The following STS variants were observed in gnomAD, a reference collection of about 807,000 sequenced individuals.
STS encodes steryl-sulfatase.
In STS, 7 loss-of-function variants were observed where a neutral mutation model predicts 26.8. The observed-to-expected ratio is 0.26, with a 90% CI of 0.15 to 0.49. The LOEUF (loss-of-function observed/expected upper bound fraction) is 0.49. STS is among the 20% of genes least tolerant of loss of function. The pLI, the probability that STS is intolerant of heterozygous loss-of-function variation, is 0.98. For missense variants in STS, 434 were observed against 465.6 expected (o/e 0.93, Z 0.63); for synonymous variants, 199 against 189.4 (o/e 1.05, Z -0.42).
intron 2 of STS, among the ~76,000 whole-genome samples, chrX:7,246,260 G>T (rs1357063299): frequency 9.3e-6 from 1 of 107,267 alleles, no homozygotes; most frequent in African/African-American, 3.5e-5. Flanking sequence ...ATTTGGGAGA[G>T]ACTTTTTTTT....
chrX:7,191,691 C>T (rs750456664), intron 2 of STS, among the ~76,000 whole-genome samples: 6 of 108,950 alleles, frequency 5.5e-5, no homozygotes, highest in African/African-American at 1.4e-4. Flanking sequence ...CCAGGTCTCT[C>T]CCCGCAGGAA....
chrX:7,206,095 G>T (rs761231057), intron 2 of STS, among the ~76,000 whole-genome samples: 36 of 111,577 alleles, frequency 3.2e-4, no homozygotes, highest in Admixed American at 4.7e-4. Flanking sequence ...GCTTTGCTCT[G>T]GGTTTATATT....
At chrX:7,216,203 C>T (rs1464393052) in intron 2 of STS, among the ~76,000 whole-genome samples, 3 of 111,962 alleles carry the variant, frequency 2.7e-5, no homozygotes, top group Non-Finnish European at 3.8e-5. Context: ...ACCTGCACCC[C>T]CTTTTTATCA....
chrX:7,194,766 T>C (rs2147020174), intron 2 of STS, among the ~76,000 whole-genome samples: 1 of 112,247 alleles, frequency 8.9e-6, no homozygotes, highest in Non-Finnish European at 1.9e-5. Context: ...CAAATTCCTA[T>C]TGCTTTGTTA....
intron 1 of STS, among the ~76,000 whole-genome samples, chrX:7,161,159 G>T (rs1486365139): frequency 9.3e-6 from 1 of 107,596 alleles, no homozygotes. Flanking sequence ...TAGAGATGGG[G>T]TTTTGCCATG....
At chrX:7,204,855 T>C (rs1489350647) in intron 2 of STS, among the ~76,000 whole-genome samples, 1 of 107,558 alleles carries the variant, frequency 9.3e-6, no homozygotes, top group Non-Finnish European at 1.9e-5. Context: ...TCCTTCCTCT[T>C]TGCTTGCCTC....
At chrX:7,313,411 C>T (rs1468438871) in intron 8 of STS, among the ~76,000 whole-genome samples, 2 of 112,021 alleles carry the variant, frequency 1.8e-5, no homozygotes, top group Non-Finnish European at 3.8e-5. Context: ...AATAACACAG[C>T]TTTCTGAGAG....
At chrX:7,299,486 T>A (rs1453300709) in intron 7 of STS, among the ~76,000 whole-genome samples, 3 of 105,918 alleles carry the variant, frequency 2.8e-5, no homozygotes, top group East Asian at 2.9e-4. Context: ...TGTGTGTGTG[T>A]TATATATAAT....
chrX:7,166,823 T>C (rs774358879), intron 1 of STS, among the ~76,000 whole-genome samples: 1 of 111,941 alleles, frequency 8.9e-6, no homozygotes, highest in Non-Finnish European at 1.9e-5. Flanking sequence ...CAAGACCAGC[T>C]GAAAATTCTT....
chrX:7,277,995 T>G (rs1216917163), intron 7 of STS, among the ~76,000 whole-genome samples: 1 of 112,478 alleles, frequency 8.9e-6, no homozygotes, highest in Non-Finnish European at 1.9e-5. Flanking sequence ...TGATTAAATT[T>G]TATTTAATTA....
intron 1 of STS, among the ~76,000 whole-genome samples, chrX:7,167,609 G>C (rs2146994858): frequency 8.9e-6 from 1 of 112,304 alleles, no homozygotes; most frequent in South Asian, 3.7e-4. Flanking sequence ...CAACAGAGCT[G>C]TCTATTTTAC....
chrX:7,296,234 T>C (rs1925655657), intron 7 of STS, among the ~76,000 whole-genome samples: 1 of 112,001 alleles, frequency 8.9e-6, no homozygotes, highest in Admixed American at 9.5e-5. Context: ...AATGAGCATC[T>C]GTGCAACCTC....
intron 2 of STS, among the ~76,000 whole-genome samples, chrX:7,227,339 A>T (rs1233348495): frequency 9.0e-6 from 1 of 111,555 alleles, no homozygotes; most frequent in Non-Finnish European, 1.9e-5. Context: ...TCACTTGATG[A>T]TAAATTAGAA....
At chrX:7,338,887 G>A (rs1486093017) in intron 10 of STS, among the ~76,000 whole-genome samples, 1 of 111,247 alleles carries the variant, frequency 9.0e-6, no homozygotes, top group African/African-American at 3.3e-5. Flanking sequence ...TCAATAAAAA[G>A]TAAATAATTA....
At chrX:7,167,330 C>A (rs1177842989) in intron 1 of STS, among the ~76,000 whole-genome samples, 1 of 111,673 alleles carries the variant, frequency 9.0e-6, no homozygotes. Flanking sequence ...ACTCTTCTGT[C>A]TCAGACTCCC....
At chrX:7,190,515 TGGCTCA>T (rs1933852879) in intron 1 of STS, among the ~76,000 whole-genome samples, 1 of 111,328 alleles carries the variant, frequency 9.0e-6, no homozygotes, top group African/African-American at 3.3e-5. Flanking sequence ...CTGGGCACAG[TGGCTCA>T]CACCTATAAT....
chrX:7,323,017 G>T (rs1319030779), intron 8 of STS, among the ~76,000 whole-genome samples: 1 of 111,760 alleles, frequency 8.9e-6, no homozygotes, highest in South Asian at 3.7e-4. Context: ...TAATACCAAC[G>T]AAGATAATAG....
intron 2 of STS, among the ~76,000 whole-genome samples, chrX:7,227,024 A>G (rs957455934): frequency 5.4e-5 from 6 of 111,763 alleles, no homozygotes; most frequent in Admixed American, 3.8e-4. Context: ...CATGGTGGTA[A>G]TTTTCACTTC....
At chrX:7,148,905 T>G (rs1330056255) in intron 1 of STS, among the ~76,000 whole-genome samples, 1 of 110,865 alleles carries the variant, frequency 9.0e-6, no homozygotes, top group African/African-American at 3.3e-5. Context: ...CTCTGAGTTT[T>G]CTTTCTTTTT....
Sources: allele counts gnomAD v4.1 joint callset (sites outside exome capture counted in the v4.1 genomes callset), GRCh38; gene constraint gnomAD v4.1.1; transcripts MANE v1.5; gene names NCBI Gene and HGNC (gene_info 2026-07-23, HGNC 2026-07-21).